The following CADPS2 variants were observed in gnomAD, a reference collection of about 807,000 sequenced individuals.
CADPS2 encodes calcium dependent secretion activator 2, also known as calcium-dependent secretion activator 2.
Under a neutral mutation model 172.5 loss-of-function variants are expected in CADPS2, and 93 were observed. The observed-to-expected ratio is 0.54, with a 90% CI of 0.46 to 0.64. The LOEUF (loss-of-function observed/expected upper bound fraction) is 0.64, where lower values mean the gene tolerates loss of function less well. CADPS2 is among the 30% of genes least tolerant of loss of function. The pLI is 0.00. For synonymous variants in CADPS2, 546 were observed against 555.2 expected (o/e 0.98, Z 0.23); for missense variants, 1,420 against 1,565.9 (o/e 0.91, Z 1.57).
At chr7:122,395,558 A>T (rs2044978581) in intron 20 of CADPS2, 2 of 152,212 alleles carry the variant, frequency 1.3e-5, no homozygotes, top group African/African-American at 2.4e-5. Flanking sequence ...CCTTTTATCA[A>T]ATGCCACCTA....
chr7:122,669,357 T>TATA lies in CADPS2; in HGVS notation c.454-5789_454-5788insTAT, dbSNP rs66554243. On this transcript the variant is annotated intron_variant, in intron 2 of 29. Coordinates refer to ENST00000449022, the MANE Select transcript of CADPS2 (RefSeq NM_017954.11). ...AGAAAAAATATATATATATATATAT[T>TATA]TTTTTTTTTTGAGAAAAAGTAATTA... Among the ~76,000 whole-genome samples the TATA allele has an allele frequency of 1.6e-4, 8 of 49,956 alleles. No individual in the cohort carries two copies. In the East Asian group the frequency reaches 3.4e-3, roughly 21 times the overall value. 32.8% of individuals were successfully genotyped at this position (49,956 alleles called of 152,430 possible).
chr7:122,515,526 C>G (rs2060293236), intron 8 of CADPS2, among the ~76,000 whole-genome samples: 1 of 152,106 alleles, frequency 6.6e-6, no homozygotes, highest in East Asian at 1.9e-4. Flanking sequence ...AAGATATGCA[C>G]CAAATAGCTG....
chr7:122,730,874 T>C (rs2091572677), intron 2 of CADPS2, among the ~76,000 whole-genome samples: 1 of 151,686 alleles, frequency 6.6e-6, no homozygotes, highest in Non-Finnish European at 1.5e-5. Flanking sequence ...AATATCACAG[T>C]AGAAAATTTC....
chr7:122,516,054 T>A (rs1020972569), intron 8 of CADPS2, among the ~76,000 whole-genome samples: 4 of 152,090 alleles, frequency 2.6e-5, no homozygotes, highest in African/African-American at 7.2e-5. Flanking sequence ...GGGGGACAGA[T>A]GGATACATAC....
chr7:122,641,201 G>A (rs996702570), intron 3 of CADPS2, among the ~76,000 whole-genome samples: 1 of 152,162 alleles, frequency 6.6e-6, no homozygotes, highest in Non-Finnish European at 1.5e-5. Context: ...TAAAAGGGCC[G>A]TTAATCCTTG....
chr7:122,848,751 T>C (rs913875991), intron 1 of CADPS2, among the ~76,000 whole-genome samples: 10 of 152,178 alleles, frequency 6.6e-5, no homozygotes, highest in African/African-American at 2.4e-5. Context: ...TAAAATGCCA[T>C]GACGTCTCTG....
intron 11 of CADPS2, among the ~76,000 whole-genome samples, chr7:122,487,098 C>T (rs967051790): frequency 3.3e-5 from 5 of 151,034 alleles, no homozygotes; most frequent in African/African-American, 1.2e-4. Flanking sequence ...GCAACCTCCA[C>T]CCCTCGGGTT....
At chr7:122,436,011 G>A (rs936142778) in intron 17 of CADPS2, among the ~76,000 whole-genome samples, 3 of 152,058 alleles carry the variant, frequency 2.0e-5, no homozygotes, top group African/African-American at 7.2e-5. Flanking sequence ...CAAAGTCTAA[G>A]TTATTCAAGA....
chr7:122,387,165 G>A lies in CADPS2; in HGVS notation c.3173C>T (p.Thr1058Ile), dbSNP rs748970206. ...CTTTTGTAGCTTGAGTTCAAATGCA[G>A]TTCTTGTTCTAGTTTTTAAAACATG... Reference protein sequence around the residue: ...MLEACVKRTRTAFELKLQKAS... With the variant: ...MLEACVKRTRIAFELKLQKAS... The change falls in exon 24 of 30, where the codon ACT becomes ATT. Residue 1058 changes from threonine (T) to isoleucine (I), a missense_variant. Thr to Ile is a moderately conservative substitution (Grantham distance 89). Transcript: ENST00000449022. The A allele has an allele frequency of 3.8e-6, 6 of 1,577,912 alleles. No individual in the cohort carries two copies. In the Admixed American group the frequency reaches 1.1e-4, roughly 29 times the overall value.
In CADPS2 at chr7:122,682,125, A is replaced by C. The variant is rs533478293; in HGVS notation, c.454-18556T>G. Among the ~76,000 whole-genome samples, 9 of 152,324 alleles carry C rather than the reference A, an allele frequency of 5.9e-5. No homozygotes were observed. In the South Asian group the frequency reaches 1.9e-3, roughly 32 times the overall value. The stretch of plus-strand genomic sequence containing the variant: ...AATACTCCTTAACCTTGTACTTATG[A>C]GACTGAAAGTGAAGATTTACCAAGC... On this transcript the variant is annotated intron_variant, in intron 2 of 29. Coordinates refer to ENST00000449022, the MANE Select transcript of CADPS2 (RefSeq NM_017954.11).
chr7:122,372,921 T>C (rs2041939055), intron 25 of CADPS2, among the ~76,000 whole-genome samples: 1 of 152,180 alleles, frequency 6.6e-6, no homozygotes. Context: ...GCTCATCAGT[T>C]TAATAAAGGA....
intron 1 of CADPS2, among the ~76,000 whole-genome samples, chr7:122,807,260 G>T (rs1218988114): frequency 6.6e-6 from 1 of 152,150 alleles, no homozygotes; most frequent in Non-Finnish European, 1.5e-5. Flanking sequence ...CACAGACACT[G>T]CAGGCTCCAA....
At chr7:122,731,464 T>C (rs896121200) in intron 2 of CADPS2, among the ~76,000 whole-genome samples, 5 of 151,750 alleles carry the variant, frequency 3.3e-5, no homozygotes, top group African/African-American at 9.7e-5. Flanking sequence ...GAAGCAGATA[T>C]CTGAGGGGAA....
intron 17 of CADPS2, chr7:122,421,016 T>A: frequency 6.6e-6 from 1 of 152,376 alleles, no homozygotes; most frequent in Non-Finnish European, 1.5e-5. Context: ...CCTGGCACAC[T>A]GGACTGGGCT....
intron 20 of CADPS2, among the ~76,000 whole-genome samples, chr7:122,398,889 A>G (rs1585624063): frequency 6.6e-6 from 1 of 152,146 alleles, no homozygotes; most frequent in East Asian, 1.9e-4. Flanking sequence ...AATATCAATA[A>G]AAATCTACCT....
intron 17 of CADPS2, chr7:122,426,319 G>T (rs2049166958): frequency 6.6e-6 from 1 of 152,212 alleles, no homozygotes; most frequent in African/African-American, 2.4e-5. Flanking sequence ...TACAGAGTAG[G>T]GTTGGGCTTA....
chr7:122,792,023 T>A (rs564199618), intron 1 of CADPS2, among the ~76,000 whole-genome samples: 1 of 152,306 alleles, frequency 6.6e-6, no homozygotes, highest in Admixed American at 6.5e-5. Context: ...TGCTTTCCCC[T>A]GAATACAGTA....
At chr7:122,371,585 A>G (rs768999038) in intron 25 of CADPS2, among the ~76,000 whole-genome samples, 79 of 152,298 alleles carry the variant, frequency 5.2e-4, no homozygotes, top group Non-Finnish European at 4.0e-4. Context: ...TCAAGATGAG[A>G]TTTTGGGTGG....
intron 7 of CADPS2, among the ~76,000 whole-genome samples, chr7:122,577,774 C>A (rs1329873837): frequency 6.6e-6 from 1 of 152,040 alleles, no homozygotes; most frequent in Non-Finnish European, 1.5e-5. Flanking sequence ...GCACTGCCAC[C>A]AGCAATGAGT....
Sources: gnomAD v4.1 joint callset for allele counts (sites outside exome capture counted in the v4.1 genomes callset) on GRCh38, gnomAD v4.1.1 for gene constraint, MANE v1.5 for transcripts, NCBI Gene and HGNC (gene_info 2026-07-23, HGNC 2026-07-21) for gene names.